PLCB1: variants seen among roughly 807,000 people sequenced by gnomAD.
PLCB1 encodes phospholipase C beta 1, also known as 1-phosphatidylinositol 4,5-bisphosphate phosphodiesterase beta-1.
A neutral mutation model predicts 161.8 loss-of-function variants in PLCB1; 46 were observed. That is an observed-to-expected ratio of 0.28 (90% CI 0.22 to 0.36). PLCB1 has a LOEUF of 0.36. Ranked by LOEUF, PLCB1 falls within the 10% of genes least tolerant of loss-of-function variation. PLCB1 has a pLI of 1.00. For synonymous variants in PLCB1, 517 were observed against 503.7 expected, an observed-to-expected ratio of 1.03 and a Z score of -0.35; for missense variants, 1,016 against 1,472.5, an observed-to-expected ratio of 0.69 and a Z score of 5.07.
chr20:8,747,968 C>A (rs1345378716), intron 23 of PLCB1, among the ~76,000 whole-genome samples: 1 of 152,068 alleles, frequency 6.6e-6, no homozygotes, highest in Non-Finnish European at 1.5e-5. Flanking sequence ...AAAACAGAAA[C>A]TTGATATTTC....
intron 11 of PLCB1, among the ~76,000 whole-genome samples, chr20:8,704,168 A>G (rs1216415960): frequency 6.6e-6 from 1 of 152,130 alleles, no homozygotes; most frequent in Non-Finnish European, 1.5e-5. Flanking sequence ...AGCCTGGTCA[A>G]CATGGCAAAA....
At chr20:8,210,163 T>C (rs1306131570) in intron 2 of PLCB1, among the ~76,000 whole-genome samples, 1 of 152,112 alleles carries the variant, frequency 6.6e-6, no homozygotes, top group East Asian at 1.9e-4. Flanking sequence ...GAGACCATCT[T>C]TTCAAAAAAT....
Position 8,206,520 on chromosome 20 carries a change from T to C in PLCB1, c.177+56149T>C, listed in dbSNP as rs575008740. 2.0e-4 allele frequency among the ~76,000 whole-genome samples: 31 copies of C among 152,246 alleles called. No individual in the cohort carries two copies. The East Asian group carries it at 6.0e-3, about 29-fold the overall frequency. ...TGACTTGGAAATTAATAGTCTTTCA[T>C]ATAATAATTTGATAAATTTAGTAAA... On this transcript the variant is annotated intron_variant, in intron 2 of 31. Coordinates refer to ENST00000338037, the MANE Select transcript of PLCB1 (RefSeq NM_015192.4).
rs938524332 is a variant in PLCB1, at chr20:8,424,303, A to T, written c.246+52853A>T. Reference sequence around the variant, plus strand: ...TTTGAGTCATAGGACGGGAATCCAGATGTTTATTTTTAGGGGTCTCAGATA... The same window carrying T: ...TTTGAGTCATAGGACGGGAATCCAGTTGTTTATTTTTAGGGGTCTCAGATA... On this transcript the variant is annotated intron_variant, in intron 3 of 31. Transcript: ENST00000338037. 2.0e-5 allele frequency among the ~76,000 whole-genome samples: 3 copies of T among 152,204 alleles called. No individual in the cohort carries two copies. In the South Asian group the frequency reaches 6.2e-4, roughly 31 times the overall value.
At chr20:8,751,392 A>G (rs1215765284) in intron 23 of PLCB1, 2 of 152,214 alleles carry the variant, frequency 1.3e-5, no homozygotes, top group African/African-American at 4.8e-5. Flanking sequence ...CTGCTGCTCA[A>G]CCATCAGATC....
At chr20:8,391,308 C>G (rs1203993421) in intron 3 of PLCB1, among the ~76,000 whole-genome samples, 1 of 152,026 alleles carries the variant, frequency 6.6e-6, no homozygotes, top group East Asian at 1.9e-4. Flanking sequence ...ACACCTACCC[C>G]CAGAGAACTA....
intron 9 of PLCB1, among the ~76,000 whole-genome samples, chr20:8,684,140 T>C (rs573869892): frequency 2.6e-5 from 4 of 152,216 alleles, no homozygotes; most frequent in East Asian, 3.9e-4. Context: ...CACCTTGGCC[T>C]CCCAAAGTGC....
intron 2 of PLCB1, among the ~76,000 whole-genome samples, chr20:8,299,011 T>TAGAC (rs11471760): frequency 0.91 from 137,690 of 151,862 alleles, 62,665 homozygotes; most frequent in East Asian, 1. Context: ...GGTAGGTAGA[T>TAGAC]AGACAGACTA....
intron 9 of PLCB1, among the ~76,000 whole-genome samples, chr20:8,660,593 G>A (rs6140674): frequency 0.093 from 14,198 of 151,926 alleles, 778 homozygotes; most frequent in African/African-American, 0.15. Flanking sequence ...ACGATGTAGA[G>A]GGTACAAAGA....
At chr20:8,444,725 T>G (rs1405425741) in intron 3 of PLCB1, among the ~76,000 whole-genome samples, 1 of 152,242 alleles carries the variant, frequency 6.6e-6, no homozygotes, top group African/African-American at 2.4e-5. Flanking sequence ...TTCCTGACTT[T>G]TTAATGATCA....
At chr20:8,623,074 T>C (rs1419792589) in intron 3 of PLCB1, among the ~76,000 whole-genome samples, 1 of 152,048 alleles carries the variant, frequency 6.6e-6, no homozygotes, top group Admixed American at 6.6e-5. Context: ...CAGCCCCTTA[T>C]CTTTCCTTCC....
chr20:8,544,935 T>C (rs1179591210), intron 3 of PLCB1, among the ~76,000 whole-genome samples: 1 of 152,228 alleles, frequency 6.6e-6, no homozygotes, highest in African/African-American at 2.4e-5. Context: ...TTTTACATTC[T>C]TGTATCCAGT....
rs1241862411 is a variant in PLCB1 at position 8,516,707 on chromosome 20, A to ATATG, written c.247-111583_247-111580dup. Reference sequence around the variant, plus strand: ...TATATATATATATATATATATATATATATGTATTCCATTTTGATGCTATAT... The same window carrying ATATG: ...TATATATATATATATATATATATATATATGTATGTATTCCATTTTGATGCTATAT... On this transcript the variant is annotated intron_variant, in intron 3 of 31. Coordinates refer to ENST00000338037, the MANE Select transcript of PLCB1 (RefSeq NM_015192.4). Among the ~76,000 whole-genome samples the ATATG allele has an allele frequency of 5.2e-5, 4 of 77,382 alleles. No individual in the cohort carries two copies. The East Asian group carries it at 8.6e-4, about 17-fold the overall frequency. 50.8% of individuals were successfully genotyped at this position (77,382 alleles called of 152,430 possible). A position where few individuals can be genotyped will look rare whatever the true frequency, so the allele number is the denominator to read the frequency against.
intron 3 of PLCB1, among the ~76,000 whole-genome samples, chr20:8,377,451 T>G (rs1987124311): frequency 6.6e-6 from 1 of 152,176 alleles, no homozygotes; most frequent in South Asian, 2.1e-4. Flanking sequence ...ACAGAAGTGA[T>G]GGGATCTGAG....
chr20:8,181,128 A>G (rs2051837892), intron 2 of PLCB1, among the ~76,000 whole-genome samples: 2 of 151,818 alleles, frequency 1.3e-5, no homozygotes, highest in South Asian at 4.2e-4. Flanking sequence ...GCATGCCTGT[A>G]ATCCCAGCTA....
intron 31 of PLCB1, among the ~76,000 whole-genome samples, chr20:8,815,966 G>A (rs1224559390): frequency 1.3e-5 from 2 of 152,108 alleles, no homozygotes; most frequent in Non-Finnish European, 2.9e-5. Flanking sequence ...TTCCTAAGGA[G>A]GATTGTGGCA....
rs575071325 is a variant in PLCB1, at chr20:8,806,910, CT to C, written c.3423+16653del. Among the ~76,000 whole-genome samples the C allele has an allele frequency of 4.5e-4, 68 of 152,240 alleles. No individual in the cohort carries two copies. In the East Asian group the frequency reaches 0.013, roughly 29 times the overall value. ...ACCTGTGACAGGTGACCGTCTTCTC[CT>C]TTTCCTCTGCAGTTAGATTCAGGGC... is the stretch of plus-strand genomic sequence containing the variant. On this transcript the variant is annotated intron_variant, in intron 31 of 31. Coordinates refer to ENST00000338037, the MANE Select transcript of PLCB1 (RefSeq NM_015192.4).
intron 4 of PLCB1, among the ~76,000 whole-genome samples, chr20:8,643,424 C>A (rs1254674512): frequency 6.6e-6 from 1 of 152,108 alleles, no homozygotes; most frequent in Non-Finnish European, 1.5e-5. Flanking sequence ...GTTAGCTCAC[C>A]TCTAGTTCTT....
At chr20:8,200,792 T>C (rs2052084205) in intron 2 of PLCB1, among the ~76,000 whole-genome samples, 1 of 152,106 alleles carries the variant, frequency 6.6e-6, no homozygotes, top group South Asian at 2.1e-4. Flanking sequence ...GCAGTATTTA[T>C]CTGGATCCGT....
Sources: allele counts gnomAD v4.1 joint callset (sites outside exome capture counted in the v4.1 genomes callset), GRCh38; gene constraint gnomAD v4.1.1; transcripts MANE v1.5; gene names NCBI Gene and HGNC (gene_info 2026-07-23, HGNC 2026-07-21).